DACH2: variants seen among roughly 807,000 people sequenced by gnomAD.
The protein encoded by DACH2 is dachshund family transcription factor 2.
DACH2 carries 17 observed loss-of-function variants against 35.8 expected under a neutral mutation model. That is an observed-to-expected ratio of 0.48 (90% CI 0.33 to 0.71). DACH2 has a LOEUF of 0.71. DACH2 is among the 30% of genes least tolerant of loss of function. The pLI is 0.02. For synonymous variants in DACH2, 195 were observed against 177.3 expected (o/e 1.10, Z -0.79); for missense variants, 469 against 472.7 (o/e 0.99, Z 0.07).
At chrX:86,467,009 A>AT (rs1398231885) in intron 2 of DACH2, among the ~76,000 whole-genome samples, 2 of 112,063 alleles carry the variant, frequency 1.8e-5, no homozygotes, top group Non-Finnish European at 3.8e-5. Context: ...CTGACATGCC[A>AT]TGGAGACACT....
chrX:86,787,866 A>G (rs770925053), intron 7 of DACH2, among the ~76,000 whole-genome samples: 10 of 111,551 alleles, frequency 9.0e-5, no homozygotes, highest in Non-Finnish European at 1.5e-4. Flanking sequence ...GGAGATATCA[A>G]AGCAAGTTTT....
intron 2 of DACH2, among the ~76,000 whole-genome samples, chrX:86,446,011 G>C (rs1017004717): frequency 6.2e-4 from 69 of 110,927 alleles, no homozygotes; most frequent in Non-Finnish European, 1.2e-3. Context: ...ATTAATATTT[G>C]TTTTATATAT....
At chrX:86,256,585 G>A (rs767857567) in intron 1 of DACH2, among the ~76,000 whole-genome samples, 1 of 111,746 alleles carries the variant, frequency 8.9e-6, no homozygotes, top group East Asian at 2.8e-4. Flanking sequence ...GAACGTAGAA[G>A]AGAATTCAGT....
chrX:86,388,420 G>C (rs1445493403), intron 2 of DACH2, among the ~76,000 whole-genome samples: 2 of 111,391 alleles, frequency 1.8e-5, no homozygotes, highest in Admixed American at 1.9e-4. Flanking sequence ...GATAGTAATA[G>C]GGCCCTCATG....
intron 2 of DACH2, among the ~76,000 whole-genome samples, chrX:86,384,652 C>T (rs1473088824): frequency 9.0e-6 from 1 of 111,428 alleles, no homozygotes; most frequent in Non-Finnish European, 1.9e-5. Flanking sequence ...TGTTTTTAAA[C>T]TAATGTTAAT....
chrX:86,378,625 A>G (rs1009543115), intron 2 of DACH2, among the ~76,000 whole-genome samples: 2 of 111,508 alleles, frequency 1.8e-5, no homozygotes, highest in Admixed American at 9.5e-5. Context: ...AAAGCAAAAC[A>G]AAACAAAAAA....
chrX:86,350,812 C>T lies in DACH2; in HGVS notation c.489-26012C>T, dbSNP rs1434744472. The stretch of plus-strand genomic sequence containing the variant: ...TAGTTTGAAGTCAGGTAGTGTGATG[C>T]CTCCAGCTTTGTTCTTTTGGCTTAG... On this transcript the variant is annotated intron_variant, in intron 1 of 11. Transcript: ENST00000373125. Among the ~76,000 whole-genome samples, 3 of 28,544 alleles carry T rather than the reference C, an allele frequency of 1.1e-4. 1 individual carries two copies. The highest frequency in any genetic ancestry group is 1.5e-4 in the Non-Finnish European group (3 of 20,069). The allele number at this position is 28,544 out of a possible 115,157, so 24.8% of individuals were successfully genotyped here. A position where few individuals can be genotyped will look rare whatever the true frequency, so the allele number is the denominator to read the frequency against.
intron 1 of DACH2, among the ~76,000 whole-genome samples, chrX:86,300,994 G>A (rs1407469454): frequency 2.7e-5 from 3 of 112,116 alleles, no homozygotes; most frequent in Non-Finnish European, 5.6e-5. Context: ...GATTCCTTTA[G>A]TTGTTCACTT....
chrX:86,679,319 G>A lies in DACH2; in HGVS notation c.773-15702G>A, dbSNP rs73508414. On this transcript the variant is annotated intron_variant, in intron 4 of 11. Coordinates refer to ENST00000373125, the MANE Select transcript of DACH2 (RefSeq NM_053281.3). ...GAGCTTAGGAAGTTTGTGTGAATGC[G>A]TAGGTATGAATTACCCCCACACACA... 8.5e-4 allele frequency among the ~76,000 whole-genome samples: 94 copies of A among 111,090 alleles called. 1 individual carries two copies. Among genetic ancestry groups the A allele is most frequent in the African/African-American group, 2.9e-3 (90 of 30,582 alleles).
intron 7 of DACH2, among the ~76,000 whole-genome samples, chrX:86,773,128 G>C (rs1441650185): frequency 9.0e-6 from 1 of 111,694 alleles, no homozygotes; most frequent in Non-Finnish European, 1.9e-5. Flanking sequence ...ATTGTGGTCA[G>C]TTCACCTCAT....
rs2040098904 is a variant in DACH2 at position 86,623,940 on chromosome X, C to T, written c.641-27096C>T. On this transcript the variant is annotated intron_variant, in intron 3 of 11. Coordinates refer to ENST00000373125, the MANE Select transcript of DACH2 (RefSeq NM_053281.3). ...GCGCGTGCCTGTAGTCCCAGCTACACAGGAGGCTGAGGCAGGAGAATGGCG... is the reference window on the plus strand; with the variant it reads ...GCGCGTGCCTGTAGTCCCAGCTACATAGGAGGCTGAGGCAGGAGAATGGCG... Among the ~76,000 whole-genome samples the T allele has an allele frequency of 2.0e-5, 2 of 99,981 alleles. 1 individual carries two copies. The highest frequency in any genetic ancestry group is 6.8e-4 in the East Asian group (2 of 2,960). The allele number at this position is 99,981 out of a possible 115,157, so 86.8% of individuals were successfully genotyped here. A position where few individuals can be genotyped will look rare whatever the true frequency, so the allele number is the denominator to read the frequency against.
chrX:86,765,697 G>GTTTTTTTTTTTTTTTT (rs2041925172), intron 7 of DACH2, among the ~76,000 whole-genome samples: 1 of 35,233 alleles, frequency 2.8e-5, no homozygotes, highest in Non-Finnish European at 5.2e-5. Context: ...GTTGTTTTTT[G>GTTTTTTTTTTTTTTTT]GTTTTTTTTT....
At chrX:86,759,618 A>G in intron 7 of DACH2, among the ~76,000 whole-genome samples, 1 of 109,199 alleles carries the variant, frequency 9.2e-6, no homozygotes, top group Middle Eastern at 4.8e-3. Context: ...TGAAAAGTTG[A>G]ATTCATTTAC....
intron 1 of DACH2, among the ~76,000 whole-genome samples, chrX:86,252,645 T>A (rs887637008): frequency 1.8e-5 from 2 of 111,011 alleles, no homozygotes; most frequent in Non-Finnish European, 3.8e-5. Flanking sequence ...CGAAGATCAG[T>A]TGGCTGTAAG....
At chrX:86,744,567 A>G (rs748197884) in intron 7 of DACH2, among the ~76,000 whole-genome samples, 1 of 111,398 alleles carries the variant, frequency 9.0e-6, no homozygotes, top group African/African-American at 3.2e-5. Context: ...GCTATCATGA[A>G]GGAATTTTCA....
At position 86,832,442 on chromosome X, in the gene DACH2, C is replaced by T; in HGVS notation, c.*287C>T. 3.8e-6 allele frequency: 1 copy of T among 259,813 alleles called. No homozygotes were observed. Among genetic ancestry groups the T allele is most frequent in the South Asian group, 9.9e-5 (1 of 10,118 alleles). 21.4% of individuals were successfully genotyped at this position (259,813 alleles called of 1,213,427 possible). ...CTTTTCTATGCTCATTTCAACTTGG[C>T]TTTTTGTCTTTTAAATTTTTAAAAA... is the stretch of plus-strand genomic sequence containing the variant. On this transcript the variant is annotated 3_prime_UTR_variant, in exon 12 of 12. Transcript: ENST00000373125.
intron 6 of DACH2, among the ~76,000 whole-genome samples, chrX:86,720,893 G>A (rs898247404): frequency 8.9e-6 from 1 of 112,663 alleles, no homozygotes; most frequent in Non-Finnish European, 1.9e-5. Context: ...TGTAGGCAGA[G>A]GTCCCCAAAC....
chrX:86,537,331 CT>C (rs1361581783), intron 3 of DACH2, among the ~76,000 whole-genome samples: 2 of 111,440 alleles, frequency 1.8e-5, no homozygotes, highest in Non-Finnish European at 3.8e-5. Flanking sequence ...TATTTCCTTC[CT>C]CCAGGTCTTC....
rs183249338 is a variant in DACH2 at position 86,777,517 on chromosome X, G to A, written c.1241-35339G>A. On this transcript the variant is annotated intron_variant, in intron 7 of 11. Transcript: ENST00000373125. ...ATATTAAGTGACTCTCTATTTTCTG[G>A]TTCTGTTTCACATTATGTCCTATAT... Among the ~76,000 whole-genome samples the A allele has an allele frequency of 2.2e-3, 242 of 111,204 alleles. 1 individual carries two copies. Among genetic ancestry groups the A allele is most frequent in the African/African-American group, 7.5e-3 (229 of 30,690 alleles).
Sources: gnomAD v4.1 joint callset for allele counts (sites outside exome capture counted in the v4.1 genomes callset) on GRCh38, gnomAD v4.1.1 for gene constraint, MANE v1.5 for transcripts, NCBI Gene and HGNC (gene_info 2026-07-23, HGNC 2026-07-21) for gene names.